DLG2: variants seen among roughly 807,000 people sequenced by gnomAD.
The protein encoded by DLG2 is disks large homolog 2.
In DLG2, 45 loss-of-function variants were observed where a neutral mutation model predicts 132.5. The ratio of observed to expected loss-of-function variants is 0.34; its 90% CI spans 0.27 to 0.44. The LOEUF is 0.44. Ranked by LOEUF, DLG2 falls within the 20% of genes least tolerant of loss-of-function variation. The pLI, the probability that DLG2 is intolerant of heterozygous loss-of-function variation, is 1.00. For synonymous variants in DLG2, 424 were observed against 419.6 expected, an observed-to-expected ratio of 1.01 and a Z score of -0.13; for missense variants, 1,045 against 1,196.9, an observed-to-expected ratio of 0.87 and a Z score of 1.87.
chr11:85,321,827 G>A (rs1219195139), intron 3 of DLG2, among the ~76,000 whole-genome samples: 1 of 152,010 alleles, frequency 6.6e-6, no homozygotes, highest in Non-Finnish European at 1.5e-5. Flanking sequence ...TAGTGACGTG[G>A]TCAGCAAGAA....
chr11:83,615,026 A>T (rs2153419771), intron 19 of DLG2, among the ~76,000 whole-genome samples: 1 of 152,278 alleles, frequency 6.6e-6, no homozygotes, highest in Admixed American at 6.5e-5. Flanking sequence ...CATGTAAGCA[A>T]ATTTCTAAAA....
chr11:84,532,688 G>A (rs2099345714), intron 7 of DLG2, among the ~76,000 whole-genome samples: 1 of 152,098 alleles, frequency 6.6e-6, no homozygotes, highest in South Asian at 2.1e-4. Flanking sequence ...GCAGAGACAA[G>A]GTCTTGCCTT....
chr11:83,533,753 G>T (rs899104968), intron 20 of DLG2, among the ~76,000 whole-genome samples: 4 of 152,192 alleles, frequency 2.6e-5, no homozygotes, highest in African/African-American at 4.8e-5. Context: ...TGAGGCTAGC[G>T]AGGTGACAGA....
At chr11:84,827,033 T>C (rs1393473713) in intron 6 of DLG2, among the ~76,000 whole-genome samples, 4 of 151,742 alleles carry the variant, frequency 2.6e-5, no homozygotes, top group African/African-American at 9.7e-5. Context: ...ATCTTCAATA[T>C]AGCTGGCACT....
chr11:83,522,926 T>A (rs978647614), intron 21 of DLG2, among the ~76,000 whole-genome samples: 4 of 151,998 alleles, frequency 2.6e-5, no homozygotes, highest in South Asian at 2.1e-4. Flanking sequence ...TATTATTTTT[T>A]AAAAAAACCT....
intron 4 of DLG2, among the ~76,000 whole-genome samples, chr11:85,221,894 T>A (rs1474199578): frequency 6.6e-6 from 1 of 152,176 alleles, no homozygotes; most frequent in Non-Finnish European, 1.5e-5. Flanking sequence ...GTGAAGTACA[T>A]ATTATATCCA....
intron 18 of DLG2, among the ~76,000 whole-genome samples, chr11:83,661,333 A>G (rs2074218265): frequency 6.6e-6 from 1 of 152,224 alleles, no homozygotes; most frequent in Admixed American, 6.5e-5. Context: ...TATAGTTGTT[A>G]TGGAGACAAA....
In DLG2 at chr11:84,444,226, G is replaced by A. The variant is rs375319935; in HGVS notation, c.519+90344C>T. ...ATACACTGGGGCCTATCGGGTGTGG[G>A]CAGGGAAAGGGGGAGCATCAGGAAG... On this transcript the variant is annotated intron_variant, in intron 7 of 27. Coordinates refer to ENST00000376104, the MANE Select transcript of DLG2 (RefSeq NM_001142699.3). 5.2e-4 allele frequency among the ~76,000 whole-genome samples: 79 copies of A among 152,206 alleles called. 1 individual carries two copies. The South Asian group carries it at 0.016, about 30-fold the overall frequency.
At chr11:84,087,562 A>G (rs556889356) in intron 10 of DLG2, among the ~76,000 whole-genome samples, 2 of 152,326 alleles carry the variant, frequency 1.3e-5, no homozygotes, top group South Asian at 4.1e-4. Context: ...ATATGGCACA[A>G]AAGACCTTTC....
chr11:85,605,932 C>G (rs191375921), intron 2 of DLG2, among the ~76,000 whole-genome samples: 11 of 151,898 alleles, frequency 7.2e-5, no homozygotes, highest in African/African-American at 2.7e-4. Context: ...GAGCTGAGAT[C>G]GTGCCACTGC....
chr11:84,042,531 A>G (rs574868950), intron 11 of DLG2, among the ~76,000 whole-genome samples: 1 of 152,044 alleles, frequency 6.6e-6, no homozygotes, highest in Admixed American at 6.6e-5. Context: ...TTCCAATGGC[A>G]CATTATGGTA....
chr11:85,488,554 A>G (rs978214346), intron 3 of DLG2, among the ~76,000 whole-genome samples: 9 of 152,188 alleles, frequency 5.9e-5, no homozygotes, highest in African/African-American at 2.2e-4. Flanking sequence ...GTGAAAACGG[A>G]CCAATACACT....
intron 15 of DLG2, among the ~76,000 whole-genome samples, chr11:83,895,063 G>A (rs535769758): frequency 3.0e-4 from 46 of 151,704 alleles, no homozygotes; most frequent in African/African-American, 1.1e-3. Flanking sequence ...TACTTTAATA[G>A]GATCATTTTA....
At chr11:84,261,018 A>G (rs886289536) in intron 7 of DLG2, among the ~76,000 whole-genome samples, 5 of 152,194 alleles carry the variant, frequency 3.3e-5, no homozygotes, top group African/African-American at 1.2e-4. Context: ...TCCTGGAAAG[A>G]TCCATGTGGA....
chr11:84,938,120 C>T (rs1183841465), intron 6 of DLG2, among the ~76,000 whole-genome samples: 1 of 152,190 alleles, frequency 6.6e-6, no homozygotes, highest in Non-Finnish European at 1.5e-5. Flanking sequence ...CCAGCAGTCA[C>T]TGGAGCTCAG....
intron 19 of DLG2, among the ~76,000 whole-genome samples, chr11:83,592,558 A>G (rs1275972685): frequency 1.1e-4 from 16 of 152,226 alleles, no homozygotes; most frequent in Non-Finnish European, 2.4e-4. Flanking sequence ...AAACCTAGGC[A>G]TCACCATTCA....
At chr11:85,028,721 T>C (rs953510290) in intron 6 of DLG2, among the ~76,000 whole-genome samples, 1 of 152,126 alleles carries the variant, frequency 6.6e-6, no homozygotes, top group African/African-American at 2.4e-5. Context: ...CAGGCACTTC[T>C]GAGCCTGTGG....
intron 7 of DLG2, among the ~76,000 whole-genome samples, chr11:84,431,947 T>C (rs524365): frequency 0.42 from 64,381 of 152,096 alleles, 19,209 homozygotes; most frequent in African/African-American, 0.85. Flanking sequence ...TGATGACAAC[T>C]TCAAATCAAT....
chr11:85,181,371 A>G (rs2079690271), intron 4 of DLG2, among the ~76,000 whole-genome samples: 1 of 151,760 alleles, frequency 6.6e-6, no homozygotes, highest in Admixed American at 6.6e-5. Flanking sequence ...ACAATGTACA[A>G]TTAAATTAGA....
Sources: allele counts gnomAD v4.1 joint callset (sites outside exome capture counted in the v4.1 genomes callset), GRCh38; gene constraint gnomAD v4.1.1; transcripts MANE v1.5; gene names NCBI Gene and HGNC (gene_info 2026-07-23, HGNC 2026-07-21).